ADGRB3: variants seen among roughly 807,000 people sequenced by gnomAD.
ADGRB3 encodes brain-specific angiogenesis inhibitor 3.
In ADGRB3, 37 loss-of-function variants were observed where a neutral mutation model predicts 193.4. The observed-to-expected ratio is 0.19, with a 90% CI of 0.15 to 0.25. The LOEUF (loss-of-function observed/expected upper bound fraction) is 0.25. ADGRB3 is among the 10% of genes least tolerant of loss of function. ADGRB3 has a pLI of 1.00. For missense variants in ADGRB3, 1,637 were observed against 1,852.9 expected, an observed-to-expected ratio of 0.88 and a Z score of 2.14; for synonymous variants, 690 against 644.2, an observed-to-expected ratio of 1.07 and a Z score of -1.08.
At chr6:69,362,553 A>G (rs1258979944) in intron 29 of ADGRB3, among the ~76,000 whole-genome samples, 1 of 151,968 alleles carries the variant, frequency 6.6e-6, no homozygotes, top group Non-Finnish European at 1.5e-5. Context: ...GGTTTTCCCA[A>G]TTGATTGAGA....
At chr6:68,955,093 C>T (rs1768034984) in intron 6 of ADGRB3, among the ~76,000 whole-genome samples, 2 of 152,150 alleles carry the variant, frequency 1.3e-5, no homozygotes, top group South Asian at 2.1e-4. Flanking sequence ...ACTCTAGATG[C>T]CTTTCACAAT....
chr6:68,936,726 C>T, intron 5 of ADGRB3, 46 bp downstream of exon 5: 2 of 1,569,468 alleles, frequency 1.3e-6, no homozygotes, highest in Non-Finnish European at 1.7e-6. Flanking sequence ...TGAATTGTGT[C>T]ATGCTACGCA....
At chr6:68,649,846 T>C (rs1283934083) in intron 3 of ADGRB3, among the ~76,000 whole-genome samples, 1 of 152,172 alleles carries the variant, frequency 6.6e-6, no homozygotes, top group African/African-American at 2.4e-5. Flanking sequence ...CTGTCCTCTG[T>C]TGAAGGTTAC....
At chr6:69,268,565 C>A (rs1402072304) in intron 20 of ADGRB3, among the ~76,000 whole-genome samples, 2 of 152,148 alleles carry the variant, frequency 1.3e-5, no homozygotes, top group Admixed American at 1.3e-4. Flanking sequence ...AAGGCATCTA[C>A]ACAAAAGTAT....
intron 3 of ADGRB3, among the ~76,000 whole-genome samples, chr6:68,742,449 A>G (rs1171634638): frequency 6.6e-6 from 1 of 152,100 alleles, no homozygotes; most frequent in Non-Finnish European, 1.5e-5. Context: ...TATATTAATC[A>G]TTCTCAGGAA....
At chr6:68,741,059 G>T (rs1246323639) in intron 3 of ADGRB3, among the ~76,000 whole-genome samples, 1 of 152,106 alleles carries the variant, frequency 6.6e-6, no homozygotes, top group Non-Finnish European at 1.5e-5. Flanking sequence ...GACAAACATG[G>T]AAGTTGGTGA....
intron 3 of ADGRB3, among the ~76,000 whole-genome samples, chr6:68,656,298 G>C (rs1230457633): frequency 2.0e-5 from 3 of 151,534 alleles, no homozygotes; most frequent in African/African-American, 4.8e-5. Context: ...ATTTAGGAGA[G>C]AATTTGGATT....
At chr6:69,213,782 G>A (rs1021426776) in intron 17 of ADGRB3, among the ~76,000 whole-genome samples, 1 of 152,072 alleles carries the variant, frequency 6.6e-6, no homozygotes. Context: ...TTAGATAGAT[G>A]GATCAATAAA....
Position 69,244,886 on chromosome 6 carries a change from A to G in ADGRB3, c.2814+5660A>G, listed in dbSNP as rs150986536. 1.2e-3 allele frequency among the ~76,000 whole-genome samples: 179 copies of G among 152,172 alleles called. 2 individuals carry two copies. In the South Asian group the frequency reaches 0.03, roughly 25 times the overall value. Reference sequence around the variant, plus strand: ...TAAGTGTAAGTACCACTTAAACAGTAGCTGTAATTATGGCAAAGATAATTA... The same window carrying G: ...TAAGTGTAAGTACCACTTAAACAGTGGCTGTAATTATGGCAAAGATAATTA... On this transcript the variant is annotated intron_variant, in intron 20 of 31. Transcript: ENST00000370598.
chr6:69,348,493 C>CAAAAAAA (rs5877205), intron 26 of ADGRB3, among the ~76,000 whole-genome samples: 1 of 114,860 alleles, frequency 8.7e-6, no homozygotes. Flanking sequence ...CTAAAAAATG[C>CAAAAAAA]AAAAAAAAAA....
At chr6:68,687,230 A>T (rs369556133) in intron 3 of ADGRB3, among the ~76,000 whole-genome samples, 13 of 152,208 alleles carry the variant, frequency 8.5e-5, no homozygotes, top group African/African-American at 2.9e-4. Context: ...AGATTCCATT[A>T]TTAGTGTTAT....
At chr6:69,233,540 G>A (rs547004827) in intron 18 of ADGRB3, 124 bp downstream of exon 18, 4 of 1,297,656 alleles carry the variant, frequency 3.1e-6, no homozygotes, top group East Asian at 2.4e-5. Context: ...AATTGGGTTC[G>A]TCTCCTCCTT....
intron 3 of ADGRB3, among the ~76,000 whole-genome samples, chr6:68,838,066 C>T (rs565586538): frequency 6.6e-6 from 1 of 152,062 alleles, no homozygotes; most frequent in Non-Finnish European, 1.5e-5. Flanking sequence ...AAAAAATGTA[C>T]AGGAAAATAC....
At chr6:69,225,653 A>T (rs1205210709) in intron 17 of ADGRB3, among the ~76,000 whole-genome samples, 2 of 152,206 alleles carry the variant, frequency 1.3e-5, no homozygotes, top group African/African-American at 4.8e-5. Flanking sequence ...TATTACAGAA[A>T]TTGAGATATC....
intron 3 of ADGRB3, among the ~76,000 whole-genome samples, chr6:68,775,489 G>A (rs1053491022): frequency 6.6e-6 from 1 of 152,054 alleles, no homozygotes; most frequent in Non-Finnish European, 1.5e-5. Flanking sequence ...GATAGCAGCT[G>A]GCCAGAAAAT....
chr6:68,953,827 C>T (rs1341172218), intron 6 of ADGRB3, among the ~76,000 whole-genome samples: 1 of 152,116 alleles, frequency 6.6e-6, no homozygotes, highest in African/African-American at 2.4e-5. Context: ...TATATTCTGC[C>T]AGGCTTTCTT....
At chr6:69,133,983 A>G (rs764017878) in intron 17 of ADGRB3, among the ~76,000 whole-genome samples, 2 of 152,078 alleles carry the variant, frequency 1.3e-5, no homozygotes, top group African/African-American at 4.8e-5. Flanking sequence ...TATGTTCTCC[A>G]TCTCCATCCA....
chr6:69,141,131 G>GT (rs371573260), intron 17 of ADGRB3, among the ~76,000 whole-genome samples: 1 of 122,694 alleles, frequency 8.2e-6, no homozygotes. Flanking sequence ...TTTTTTTTGG[G>GT]GGGGGCGGTG....
intron 17 of ADGRB3, among the ~76,000 whole-genome samples, chr6:69,210,480 C>T (rs559221080): frequency 2.6e-4 from 40 of 152,166 alleles, no homozygotes; most frequent in African/African-American, 7.0e-4. Context: ...CCTTTGGCAA[C>T]GCCCTCACAG....
Sources: gnomAD v4.1 joint callset for allele counts (sites outside exome capture counted in the v4.1 genomes callset) on GRCh38, gnomAD v4.1.1 for gene constraint, MANE v1.5 for transcripts, NCBI Gene and HGNC (gene_info 2026-07-23, HGNC 2026-07-21) for gene names.